PHLDB2: variants seen among roughly 807,000 people sequenced by gnomAD.
PHLDB2 encodes pleckstrin homology-like domain family B member 2.
PHLDB2 carries 71 observed loss-of-function variants against 123.6 expected under a neutral mutation model. The ratio of observed to expected loss-of-function variants is 0.57; its 90% CI spans 0.47 to 0.70. The LOEUF is 0.70. PHLDB2 is among the 30% of genes least tolerant of loss of function. PHLDB2 has a pLI of 0.00. For missense variants in PHLDB2, 1,446 were observed against 1,519.5 expected (o/e 0.95, Z 0.80); for synonymous variants, 547 against 541.6 (o/e 1.01, Z -0.14).
chr3:111,840,250 CA>C (rs1182962365), intron 1 of PHLDB2, among the ~76,000 whole-genome samples: 2 of 150,452 alleles, frequency 1.3e-5, no homozygotes, highest in East Asian at 1.9e-4. Flanking sequence ...ACCCTGTCTC[CA>C]AAAAAAATTT....
intron 1 of PHLDB2, among the ~76,000 whole-genome samples, chr3:111,866,009 C>T (rs1484026815): frequency 1.3e-5 from 1 of 79,826 alleles, no homozygotes; most frequent in East Asian, 5.7e-4. Context: ...CTACCCCACC[C>T]ACTCATTTTT....
chr3:111,806,622 A>T (rs977119105), intron 1 of PHLDB2, among the ~76,000 whole-genome samples: 1 of 151,640 alleles, frequency 6.6e-6, no homozygotes, highest in African/African-American at 2.4e-5. Context: ...AGTAACTGGG[A>T]CTATAGGCAC....
intron 1 of PHLDB2, among the ~76,000 whole-genome samples, chr3:111,778,671 C>A (rs998610411): frequency 6.6e-6 from 1 of 152,056 alleles, no homozygotes; most frequent in African/African-American, 2.4e-5. Context: ...TGTGCTTCAA[C>A]TCTCATTACA....
In PHLDB2 at chr3:111,884,123, G is replaced by A. The variant is rs558870619; in HGVS notation, c.46G>A (p.Gly16Ser). 1.2e-6 allele frequency: 2 copies of A among 1,613,916 alleles called. No homozygotes were observed. Among genetic ancestry groups the A allele is most frequent in the Admixed American group, 1.7e-5 (1 of 60,018 alleles). The part of the protein sequence containing the change: ...YIQKELDLQN[G>S]SLEEDSVVHS... The stretch of plus-strand genomic sequence containing the variant: ...ACAAAAGGAGCTAGATTTACAAAAT[G>A]GTAGCTTAGAGGAAGACTCTGTGGT... The change falls in exon 2 of 18, where the codon GGT becomes AGT. Residue 16 changes from glycine (G) to serine (S), a missense_variant. By Grantham distance (56) the Gly-to-Ser change is moderately conservative. Around this residue, in one of 3 missense-constraint regions of PHLDB2, gnomAD observed 832 missense variants for 831.9 expected, o/e 1.00. Transcript: ENST00000431670.
intron 1 of PHLDB2, among the ~76,000 whole-genome samples, chr3:111,751,203 G>GTA (rs1419608656): frequency 3.4e-5 from 5 of 145,682 alleles, no homozygotes; most frequent in African/African-American, 1.3e-4. Flanking sequence ...GTGTGTGTGT[G>GTA]TGTGCAGACA....
At chr3:111,771,315 T>A (rs1173048474) in intron 1 of PHLDB2, among the ~76,000 whole-genome samples, 1 of 151,852 alleles carries the variant, frequency 6.6e-6, no homozygotes, top group Non-Finnish European at 1.5e-5. Context: ...TGGCTTTCCT[T>A]GTCTTGTAAA....
At chr3:111,883,174 T>C (rs183096871) in intron 1 of PHLDB2, among the ~76,000 whole-genome samples, 2 of 152,314 alleles carry the variant, frequency 1.3e-5, no homozygotes, top group Admixed American at 6.5e-5. Context: ...CAGTAATAGT[T>C]TGTAATTCAA....
At chr3:111,841,297 T>A (rs1426655008) in intron 1 of PHLDB2, among the ~76,000 whole-genome samples, 1 of 151,896 alleles carries the variant, frequency 6.6e-6, no homozygotes, top group Non-Finnish European at 1.5e-5. Flanking sequence ...AGAGAAGGGG[T>A]TTGAATTTAA....
At chr3:111,813,444 A>G (rs987508379) in intron 1 of PHLDB2, among the ~76,000 whole-genome samples, 1 of 152,120 alleles carries the variant, frequency 6.6e-6, no homozygotes, top group Non-Finnish European at 1.5e-5. Flanking sequence ...TTGACAGGTG[A>G]AATTTTTGTG....
chr3:111,942,457 A>G (rs1490943388), intron 8 of PHLDB2, among the ~76,000 whole-genome samples: 4 of 152,230 alleles, frequency 2.6e-5, no homozygotes, highest in Admixed American at 6.5e-5. Context: ...ATTCACAGAA[A>G]TACCTGGAGT....
At chr3:111,931,088 A>T (rs1294790796) in intron 5 of PHLDB2, among the ~76,000 whole-genome samples, 1 of 152,200 alleles carries the variant, frequency 6.6e-6, no homozygotes, top group Admixed American at 6.5e-5. Context: ...ACTATTTCAG[A>T]GGAAAATCCT....
rs115227728 is a variant in PHLDB2, at chr3:111,968,889, A to G, written c.3316-801A>G. ...GCACAATTCTATTTTAATCCTGATTATAAGTGTTGCCTCCAAGTATATAAT... is the reference window on the plus strand; with the variant it reads ...GCACAATTCTATTTTAATCCTGATTGTAAGTGTTGCCTCCAAGTATATAAT... On this transcript the variant is annotated intron_variant, in intron 15 of 17. Coordinates refer to ENST00000431670, the MANE Select transcript of PHLDB2 (RefSeq NM_001134438.2). 9.1e-3 allele frequency among the ~76,000 whole-genome samples: 1,393 copies of G among 152,326 alleles called. 21 individuals are homozygous for G. The highest frequency in any genetic ancestry group is 0.032 in the African/African-American group (1,322 of 41,576).
chr3:111,883,446 T>C (rs2066029445), intron 1 of PHLDB2, among the ~76,000 whole-genome samples: 2 of 152,180 alleles, frequency 1.3e-5, no homozygotes, highest in Admixed American at 6.5e-5. Context: ...GTGTCAATAA[T>C]TGGTGGAATA....
chr3:111,785,459 A>T (rs920210923), intron 1 of PHLDB2, among the ~76,000 whole-genome samples: 13 of 152,174 alleles, frequency 8.5e-5, no homozygotes, highest in Admixed American at 3.3e-4. Flanking sequence ...CTTGAAGGAT[A>T]CATTTGGAAT....
At chr3:111,799,425 A>C (rs2061298574) in intron 1 of PHLDB2, among the ~76,000 whole-genome samples, 1 of 152,242 alleles carries the variant, frequency 6.6e-6, no homozygotes, top group African/African-American at 2.4e-5. Context: ...ATTAAATTCT[A>C]CTTCAGTTCT....
intron 1 of PHLDB2, among the ~76,000 whole-genome samples, chr3:111,762,459 G>A (rs563677124): frequency 3.9e-5 from 6 of 152,284 alleles, no homozygotes; most frequent in Admixed American, 3.9e-4. Context: ...AGGCACAGAA[G>A]GGTTAAGTAC....
At chr3:111,948,843 G>A in intron 9 of PHLDB2, 89 bp from the exon 10 acceptor site, 1 of 1,311,778 alleles carries the variant, frequency 7.6e-7, no homozygotes. Flanking sequence ...GCCGCTCTAA[G>A]CTAACTTCAT....
intron 1 of PHLDB2, among the ~76,000 whole-genome samples, chr3:111,751,470 A>G (rs538733862): frequency 3.3e-5 from 5 of 152,268 alleles, no homozygotes; most frequent in East Asian, 1.9e-4. Flanking sequence ...CTTAAAGTCA[A>G]TTGTGGATTG....
In PHLDB2 at chr3:111,976,149, C is replaced by A. The variant is rs1278217401; in HGVS notation, c.*1586C>A. On this transcript the variant is annotated 3_prime_UTR_variant, in exon 18 of 18. Coordinates refer to ENST00000431670, the MANE Select transcript of PHLDB2 (RefSeq NM_001134438.2). ...TGACTTTTCTGCACTGTACTCTCTT[C>A]ATAGGATTGTAAAGGTGTTCTAATC... is the stretch of plus-strand genomic sequence containing the variant. 1.3e-5 allele frequency: 2 copies of A among 152,550 alleles called. No individual in the cohort carries two copies. Among genetic ancestry groups the A allele is most frequent in the Admixed American group, 1.3e-4 (2 of 15,282 alleles). The allele number at this position is 152,550 out of a possible 1,614,324, so 9.4% of individuals were successfully genotyped here.
Sources: allele counts gnomAD v4.1 joint callset (sites outside exome capture counted in the v4.1 genomes callset), GRCh38; gene constraint gnomAD v4.1.1; regional missense constraint gnomAD v4.1.1; transcripts MANE v1.5; gene names NCBI Gene and HGNC (gene_info 2026-07-23, HGNC 2026-07-21).